The following ZC3H4 variants were observed in gnomAD, a reference collection of about 807,000 sequenced individuals.
ZC3H4 encodes zinc finger CCCH domain-containing protein 4.
Under a neutral mutation model 108.3 loss-of-function variants are expected in ZC3H4, and 13 were observed. That is an observed-to-expected ratio of 0.12 (90% CI 0.08 to 0.19). ZC3H4 has a LOEUF of 0.19. Ranked by LOEUF, ZC3H4 falls within the 10% of genes least tolerant of loss-of-function variation. The probability of loss-of-function intolerance (pLI) is 1.00; values close to 1 mark genes in which losing one functional copy is unlikely to be tolerated. For missense variants in ZC3H4, 1,734 were observed against 1,838.8 expected, an observed-to-expected ratio of 0.94 and a Z score of 1.04; for synonymous variants, 917 against 749.6, an observed-to-expected ratio of 1.22 and a Z score of -3.65.
In ZC3H4 at chr19:47,067,268, C is replaced by T. The variant is rs771839449; in HGVS notation, c.3000G>A (p.Ala1000=). Residue 1000 remains alanine (A), a synonymous_variant, in exon 15 of 15, where the codon GCG becomes GCA. Transcript: ENST00000253048. The surrounding 1 kb of genome is among the most constrained non-coding windows in gnomAD (Gnocchi z 6.4). ...PKQDAVPPVP[A]ALQSMPTLDP... ...CCAGGGTGGGCATGGATTGCAGGGCCGCGGGCACGGGGGGCACTGCGTCCT... is the reference window on the plus strand; with the variant it reads ...CCAGGGTGGGCATGGATTGCAGGGCTGCGGGCACGGGGGGCACTGCGTCCT... 10 of 1,588,836 alleles carry T rather than the reference C, an allele frequency of 6.3e-6. No individual in the cohort carries two copies. Among genetic ancestry groups the T allele is most frequent in the African/African-American group, 4.0e-5 (3 of 74,172 alleles).
At position 47,066,296 on chromosome 19, in the gene ZC3H4, G is replaced by C; in HGVS notation, c.*60C>G. The C allele has an allele frequency of 7.2e-7, 1 of 1,389,954 alleles. No homozygotes were observed. The highest frequency in any genetic ancestry group is 9.4e-7 in the Non-Finnish European group (1 of 1,058,858). The allele number at this position is 1,389,954 out of a possible 1,614,324, so 86.1% of individuals were successfully genotyped here. A position where few individuals can be genotyped will look rare whatever the true frequency, so the allele number is the denominator to read the frequency against. On this transcript the variant is annotated 3_prime_UTR_variant, in exon 15 of 15. Coordinates refer to ENST00000253048, the MANE Select transcript of ZC3H4 (RefSeq NM_015168.2). ...CCCTTGCCCCCAAGTTCCCTACCCT[G>C]GGTGCTGCCCTGAATGCCACCCTAG...
chr19:47,088,033 C>T (rs2057662790), intron 5 of ZC3H4, among the ~76,000 whole-genome samples: 1 of 151,598 alleles, frequency 6.6e-6, no homozygotes, highest in Non-Finnish European at 1.5e-5. Context: ...ATTAGCCGGG[C>T]GTGGCGGCAA....
At chr19:47,087,131 C>A in intron 5 of ZC3H4, among the ~76,000 whole-genome samples, 1 of 151,832 alleles carries the variant, frequency 6.6e-6, no homozygotes, top group East Asian at 1.9e-4. Context: ...GAAAAATTAG[C>A]CAGGTGTGGT....
chr19:47,078,381 G>A lies in ZC3H4; in HGVS notation c.1440+3132C>T, dbSNP rs529042782. Among the ~76,000 whole-genome samples, 6 of 152,128 alleles carry A rather than the reference G, an allele frequency of 3.9e-5. No homozygotes were observed. The South Asian group carries it at 1.2e-3, about 32-fold the overall frequency. ...CACCTGTAATCCCGGCACTTTGGGA[G>A]GCCAAGGCAGGAGAATCGCTTGAAC... On this transcript the variant is annotated intron_variant, in intron 11 of 14. Coordinates refer to ENST00000253048, the MANE Select transcript of ZC3H4 (RefSeq NM_015168.2).
At chr19:47,112,075 G>A (rs2058046343) in intron 2 of ZC3H4, 9 of 998,482 alleles carry the variant, frequency 9.0e-6, no homozygotes, top group Admixed American at 5.9e-5. Flanking sequence ...GTGGGTCTCC[G>A]CAGCACCCCC....
rs1600085491 is a variant in ZC3H4 at position 47,093,236 on chromosome 19, A to AAG, written c.492+733_492+734insCT. Among the ~76,000 whole-genome samples the AAG allele has an allele frequency of 2.0e-5, 3 of 152,052 alleles. No individual in the cohort carries two copies. In the East Asian group the frequency reaches 5.8e-4, roughly 29 times the overall value. On this transcript the variant is annotated intron_variant, in intron 4 of 14. Transcript: ENST00000253048. ...GCCTCAAAAAAAAAAAAAAAAAAAA[A>AAG]AAAATGATTTGCTTTTCTCTTATGG... is the stretch of plus-strand genomic sequence containing the variant.
intron 2 of ZC3H4, among the ~76,000 whole-genome samples, chr19:47,105,253 C>T (rs1175668580): frequency 4.6e-5 from 7 of 152,306 alleles, no homozygotes; most frequent in East Asian, 1.9e-4. Flanking sequence ...GCTGCTGTAA[C>T]GTAGAAGCAG....
intron 4 of ZC3H4, among the ~76,000 whole-genome samples, chr19:47,091,750 AGGTGTGGTGG>A (rs1236383395): frequency 6.8e-6 from 1 of 146,394 alleles, no homozygotes; most frequent in Non-Finnish European, 1.5e-5. Flanking sequence ...AAAATTTGCC[AGGTGTGGTGG>A]TGGGCGCCTG....
chr19:47,067,526 A>T lies in ZC3H4; in HGVS notation c.2742T>A (p.Ser914Arg). Residue 914 changes from serine (S) to arginine (R), a missense_variant, in exon 15 of 15, where the codon AGT (serine) becomes AGA (arginine). Ser to Arg is a moderately radical substitution (Grantham distance 110, BLOSUM62 -1). Around this residue, in one of 9 missense-constraint regions of ZC3H4, gnomAD observed 540 missense variants for 484.1 expected, o/e 1.12. Coordinates refer to ENST00000253048, the MANE Select transcript of ZC3H4 (RefSeq NM_015168.2). The surrounding 1 kb of genome is among the most constrained non-coding windows in gnomAD (Gnocchi z 6.4). ...SLHSSPVGPSSSKGSGPPPTE... is the reference protein window; with the variant it reads ...SLHSSPVGPSRSKGSGPPPTE... ...TTGGGGGCGGCCCAGACCCCTTGGA[A>T]CTGCTGGGGCCCACAGGGCTGGAAT... The T allele has an allele frequency of 6.3e-7, 1 of 1,595,580 alleles. No homozygotes were observed. The highest frequency in any genetic ancestry group is 8.5e-7 in the Non-Finnish European group (1 of 1,170,772).
chr19:47,095,765 C>A (rs1468748204), intron 2 of ZC3H4, among the ~76,000 whole-genome samples: 2 of 152,120 alleles, frequency 1.3e-5, no homozygotes, highest in Non-Finnish European at 2.9e-5. Flanking sequence ...AAAAAACAAT[C>A]TTTTTGAATA....
In ZC3H4 at chr19:47,066,996, G is replaced by A; in HGVS notation, c.3272C>T (p.Ser1091Phe). 3 of 1,587,354 alleles carry A rather than the reference G, an allele frequency of 1.9e-6. No homozygotes were observed. The highest frequency in any genetic ancestry group is 2.6e-6 in the Non-Finnish European group (3 of 1,166,626). Residue 1091 changes from serine (S) to phenylalanine (F), a missense_variant, in exon 15 of 15, where the codon TCC (serine) becomes TTC (phenylalanine). This residue lies in a region of ZC3H4 where 518 missense variants were observed against 499.6 expected (regional missense o/e 1.04). Transcript: ENST00000253048. ...RLQKPTDSTA[S>F]SRAAKPGPAE... ...AGGGCCGGGCTTGGCAGCCCGGGAG[G>A]AGGCCGTAGAGTCTGTGGGTTTCTG...
intron 11 of ZC3H4, among the ~76,000 whole-genome samples, chr19:47,077,512 T>C (rs559545720): frequency 1.4e-4 from 21 of 146,944 alleles, no homozygotes; most frequent in Admixed American, 1.2e-3. Context: ...CACAAAAACA[T>C]AGATAAAATG....
intron 2 of ZC3H4, among the ~76,000 whole-genome samples, chr19:47,097,906 CG>C (rs1463779052): frequency 6.6e-6 from 1 of 152,170 alleles, no homozygotes; most frequent in Non-Finnish European, 1.5e-5. Context: ...TGGCTGCACT[CG>C]GTCCGCTGCC....
chr19:47,091,129 C>A (rs1178880304), intron 4 of ZC3H4, among the ~76,000 whole-genome samples: 2 of 151,848 alleles, frequency 1.3e-5, no homozygotes, highest in African/African-American at 4.8e-5. Context: ...ACAAAATAGC[C>A]GAGTGTGGGG....
Position 47,072,640 on chromosome 19 carries a change from T to C in ZC3H4, c.1514A>G (p.Asn505Ser). The C allele has an allele frequency of 6.2e-7, 1 of 1,612,508 alleles. No homozygotes were observed. Among genetic ancestry groups the C allele is most frequent in the South Asian group, 1.1e-5 (1 of 91,018 alleles). The change falls in exon 12 of 15, where the codon AAC (asparagine) becomes AGC (serine). Residue 505 changes from asparagine to serine, a missense_variant. Coordinates refer to ENST00000253048, the MANE Select transcript of ZC3H4 (RefSeq NM_015168.2). This position sits in a 1 kb window ranked among gnomAD's most constrained non-coding sequence, Gnocchi z 5.6. ...ACCAGGGGGCGGTTTGGGCAGGGGG[T>C]TGATGCCCTGCTTCTTCAGTTCCTC... The part of the protein sequence containing the change: ...EVEELKKQGI[N>S]PLPKPPPGVG...
chr19:47,092,874 T>C (rs113125564), intron 4 of ZC3H4, among the ~76,000 whole-genome samples: 4,269 of 151,104 alleles, frequency 0.028, 93 homozygotes, highest in Non-Finnish European at 0.042. Context: ...ACATTTCTCA[T>C]CCAAACCCGG....
intron 11 of ZC3H4, among the ~76,000 whole-genome samples, chr19:47,073,733 C>T (rs1001042436): frequency 2.0e-5 from 3 of 152,228 alleles, no homozygotes; most frequent in Non-Finnish European, 2.9e-5. Flanking sequence ...CCCCAGCCCC[C>T]GGCAGCCACT....
Position 47,084,475 on chromosome 19 carries a change from G to C in ZC3H4, c.1108-20C>G, listed in dbSNP as rs773723164. 9 of 1,612,618 alleles carry C rather than the reference G, an allele frequency of 5.6e-6. No homozygotes were observed. Among genetic ancestry groups the C allele is most frequent in the Non-Finnish European group, 7.6e-6 (9 of 1,178,584 alleles). ...ACCGTCCTGCAATGGACAGGGTGTG[G>C]ACGTAAAGGGGAATGAAAGGGAAGG... is the stretch of plus-strand genomic sequence containing the variant. On this transcript the variant is annotated intron_variant, in intron 8 of 14. Coordinates refer to ENST00000253048, the MANE Select transcript of ZC3H4 (RefSeq NM_015168.2).
At position 47,071,989 on chromosome 19, in the gene ZC3H4, G is replaced by A. The variant is rs369320541; in HGVS notation, c.1935C>T (p.His645=). The A allele has an allele frequency of 5.2e-5, 84 of 1,604,688 alleles. No individual in the cohort carries two copies. Among genetic ancestry groups the A allele is most frequent in the African/African-American group, 3.6e-4 (27 of 74,782 alleles). ...TCGGCATGTCTGCGTGCATGTCTGC[G>A]TGCATGTCAGGGTGCATGTCCGGGT... ...DMHPDMHPDM[H]ADMHADMPMG... is the part of the protein sequence containing the mutation. The change falls in exon 13 of 15, where the codon CAC becomes CAT. Residue 645 remains histidine, a synonymous_variant. Coordinates refer to ENST00000253048, the MANE Select transcript of ZC3H4 (RefSeq NM_015168.2).
Sources: gnomAD v4.1 joint callset for allele counts (sites outside exome capture counted in the v4.1 genomes callset) on GRCh38, gnomAD v4.1.1 for gene constraint, gnomAD v4.1.1 regional missense constraint, Gnocchi (gnomAD v3.1) non-coding constraint, MANE v1.5 for transcripts, NCBI Gene and HGNC (gene_info 2026-07-23, HGNC 2026-07-21) for gene names.